Variants in WLS observed in about 807,000 individuals in gnomAD.
WLS encodes protein wntless homolog.
WLS carries 23 observed loss-of-function variants against 62.8 expected under a neutral mutation model. The observed-to-expected ratio is 0.37, with a 90% CI of 0.26 to 0.52. The LOEUF (loss-of-function observed/expected upper bound fraction) is 0.52, where lower values mean the gene tolerates loss of function less well. WLS is among the 20% of genes least tolerant of loss of function. The pLI is 0.92. For missense variants in WLS, 615 were observed against 697.3 expected (o/e 0.88, Z 1.33); for synonymous variants, 246 against 244.1 (o/e 1.01, Z -0.07).
At chr1:68,177,249 C>G (rs12049125) in intron 2 of WLS, among the ~76,000 whole-genome samples, 11,928 of 152,140 alleles carry the variant, frequency 0.078, 855 homozygotes, top group East Asian at 0.34. Flanking sequence ...GATTCATAAA[C>G]CTCTGAATTC....
intron 1 of WLS, among the ~76,000 whole-genome samples, chr1:68,227,120 C>T (rs954035191): frequency 9.2e-5 from 14 of 152,208 alleles, no homozygotes; most frequent in Admixed American, 6.5e-4. Context: ...CAATTCAAGC[C>T]GGGCATCTTG....
chr1:68,115,182 G>T (rs1028341648), intron 11 of WLS, among the ~76,000 whole-genome samples: 6 of 152,176 alleles, frequency 3.9e-5, no homozygotes, highest in Admixed American at 3.9e-4. Flanking sequence ...GCTCCTTAGG[G>T]TTATGGCTGC....
In WLS at chr1:68,125,572, C is replaced by T; in HGVS notation, c.*654G>A. ...AGTTTAGCAAACATTTTTTAAAACC[C>T]ACATCCAACAGATTGGTTAGTATTA... On this transcript the variant is annotated 3_prime_UTR_variant, in exon 12 of 12. Transcript: ENST00000262348. 3 of 985,360 alleles carry T rather than the reference C, an allele frequency of 3.0e-6. No homozygotes were observed. Among genetic ancestry groups the T allele is most frequent in the Non-Finnish European group, 3.6e-6 (3 of 829,914 alleles). The allele number at this position is 985,360 out of a possible 1,614,324, so 61.0% of individuals were successfully genotyped here. A position where few individuals can be genotyped will look rare whatever the true frequency, so the allele number is the denominator to read the frequency against.
rs994533816 is a variant in WLS at position 68,125,477 on chromosome 1, A to G, written c.*749T>C. On this transcript the variant is annotated 3_prime_UTR_variant, in exon 12 of 12. Transcript: ENST00000262348. ...GAAGTATCTTATCAAAATAAAACGC[A>G]TTTTAAGCAAGAAGTTAAAAAAGCT... The G allele has an allele frequency of 7.1e-6, 7 of 985,330 alleles. No individual in the cohort carries two copies. Among genetic ancestry groups the G allele is most frequent in the Non-Finnish European group, 8.4e-6 (7 of 829,938 alleles). 61.0% of individuals were successfully genotyped at this position (985,330 alleles called of 1,614,324 possible).
chr1:68,191,175 C>T (rs533954309), intron 2 of WLS, among the ~76,000 whole-genome samples: 8 of 151,992 alleles, frequency 5.3e-5, no homozygotes, highest in African/African-American at 1.9e-4. Flanking sequence ...CAGGGTAAAT[C>T]TTTTTCTTTA....
intron 6 of WLS, among the ~76,000 whole-genome samples, chr1:68,149,360 C>T (rs943937834): frequency 4.6e-5 from 7 of 152,148 alleles, no homozygotes; most frequent in African/African-American, 1.7e-4. Flanking sequence ...CTCAGCGCAT[C>T]TCTGCTGGAG....
At chr1:68,183,555 C>T (rs1253741201) in intron 2 of WLS, 1 of 533,204 alleles carries the variant, frequency 1.9e-6, no homozygotes, top group Non-Finnish European at 3.9e-6. Context: ...AATTAGTTCC[C>T]AGAAGGATTC....
At chr1:68,110,024 A>C (rs867194825) in intron 11 of WLS, among the ~76,000 whole-genome samples, 3,857 of 148,682 alleles carry the variant, frequency 0.026, 170 homozygotes, top group African/African-American at 0.048. Context: ...AAAAAAAAAA[A>C]AAAAAAAAAA....
chr1:68,106,697 C>T (rs970244085), intron 11 of WLS, among the ~76,000 whole-genome samples: 8 of 150,596 alleles, frequency 5.3e-5, no homozygotes, highest in Non-Finnish European at 8.8e-5. Flanking sequence ...CCTGGAAACG[C>T]GTGTGCATGT....
intron 2 of WLS, among the ~76,000 whole-genome samples, chr1:68,192,706 C>T (rs1273745279): frequency 1.4e-5 from 2 of 147,136 alleles, no homozygotes; most frequent in Non-Finnish European, 3.0e-5. Context: ...GATTATGCTA[C>T]TGAACTCCAG....
Position 68,170,163 on chromosome 1 carries a change from T to TTTTTCTTTTC in WLS, c.380-10917_380-10916insGAAAAGAAAA, listed in dbSNP as rs1294142574. Among the ~76,000 whole-genome samples the TTTTTCTTTTC allele has an allele frequency of 9.0e-4, 75 of 83,748 alleles. 1 individual carries two copies. The highest frequency in any genetic ancestry group is 6.6e-3 in the Middle Eastern group (1 of 152). The allele number at this position is 83,748 out of a possible 152,430, so 54.9% of individuals were successfully genotyped here. ...CAGTCAATGCTGGCTACTATTTCTT[T>TTTTTCTTTTC]TTTTTTTTTTTTTTTTTTTGAGATG... is the stretch of plus-strand genomic sequence containing the variant. On this transcript the variant is annotated intron_variant, in intron 2 of 11. Coordinates refer to ENST00000262348, the MANE Select transcript of WLS (RefSeq NM_024911.7).
chr1:68,191,035 G>A (rs1438791120), intron 2 of WLS, among the ~76,000 whole-genome samples: 1 of 146,878 alleles, frequency 6.8e-6, no homozygotes, highest in Admixed American at 6.9e-5. Flanking sequence ...TCCAGCCTGG[G>A]CAACAAGGGT....
chr1:68,110,005 A>AG (rs1646201614), intron 11 of WLS, among the ~76,000 whole-genome samples: 1 of 35,878 alleles, frequency 2.8e-5, no homozygotes, highest in Non-Finnish European at 6.4e-5. Context: ...CAACACAAAA[A>AG]GTAAAAAAAA....
chr1:68,167,912 A>G (rs1030128129), intron 2 of WLS, among the ~76,000 whole-genome samples: 1 of 152,138 alleles, frequency 6.6e-6, no homozygotes, highest in Admixed American at 6.5e-5. Context: ...CCTAGACTGC[A>G]AAGTGTGGTT....
intron 2 of WLS, among the ~76,000 whole-genome samples, chr1:68,193,440 A>AAAC (rs1648474215): frequency 1.7e-5 from 2 of 115,332 alleles, no homozygotes; most frequent in Non-Finnish European, 3.6e-5. Context: ...AAAAAAAAAA[A>AAAC]AACGAAAAAA....
At chr1:68,180,098 G>A (rs751453848) in intron 2 of WLS, among the ~76,000 whole-genome samples, 2 of 151,812 alleles carry the variant, frequency 1.3e-5, no homozygotes, top group Non-Finnish European at 2.9e-5. Flanking sequence ...TCTCTAGTGC[G>A]ATGGTACTTT....
intron 11 of WLS, among the ~76,000 whole-genome samples, chr1:68,104,582 G>A (rs1646120541): frequency 6.6e-6 from 1 of 152,162 alleles, no homozygotes; most frequent in Non-Finnish European, 1.5e-5. Flanking sequence ...TGCTTTTGCT[G>A]TCAAGTTTGT....
At chr1:68,107,539 A>T (rs1286730565) in intron 11 of WLS, among the ~76,000 whole-genome samples, 1 of 152,220 alleles carries the variant, frequency 6.6e-6, no homozygotes, top group Non-Finnish European at 1.5e-5. Context: ...TATGAGAATA[A>T]CAATACTTAC....
At position 68,148,684 on chromosome 1, in the gene WLS, G is replaced by A. The variant is rs917811138; in HGVS notation, c.973-24C>T. On this transcript the variant is annotated intron_variant, in intron 6 of 11. Coordinates refer to ENST00000262348, the MANE Select transcript of WLS (RefSeq NM_024911.7). ...TCCTGAGGAAAACCAAATTGAGAAG[G>A]GAGATAGAGGGGAGAGGAAGACCAA... 4.4e-6 allele frequency: 7 copies of A among 1,609,176 alleles called. No homozygotes were observed. In the African/African-American group the frequency reaches 9.3e-5, roughly 21 times the overall value.
Sources: gnomAD v4.1 joint callset for allele counts (sites outside exome capture counted in the v4.1 genomes callset) on GRCh38, gnomAD v4.1.1 for gene constraint, MANE v1.5 for transcripts, NCBI Gene and HGNC (gene_info 2026-07-23, HGNC 2026-07-21) for gene names.